Variants in CSMD1 observed in about 807,000 individuals in gnomAD.
CSMD1 encodes the protein CUB and sushi domain-containing protein 1.
A neutral mutation model predicts 417.5 loss-of-function variants in CSMD1; 213 were observed. The observed-to-expected ratio is 0.51, with a 90% confidence interval of 0.46 to 0.57. The LOEUF (loss-of-function observed/expected upper bound fraction) is 0.57, where lower values mean the gene tolerates loss of function less well. Among genes scored for constraint, CSMD1 ranks in the 20% least tolerant of loss-of-function variants. The pLI is 0.00. For missense variants in CSMD1, 6,923 were observed against 4,529.7 expected, an observed-to-expected ratio of 1.53 and a Z score of -15.17; for synonymous variants, 2,862 against 1,736.8, an observed-to-expected ratio of 1.65 and a Z score of -16.11.
In CSMD1 at chr8:3,051,565, C is replaced by T. The variant is rs79392552; in HGVS notation, c.7660+897G>A. On this transcript the variant is annotated intron_variant, in intron 50 of 69. Coordinates refer to ENST00000635120, the MANE Select transcript of CSMD1 (RefSeq NM_033225.6). ...TGTGACACGTAGTTCACCTATATAA[C>T]AAACTTGCACATGTATCCCTGAACC... Among the ~76,000 whole-genome samples the T allele has an allele frequency of 8.4e-3, 1,283 of 152,256 alleles. 12 individuals are homozygous for T. Among genetic ancestry groups the T allele is most frequent in the African/African-American group, 0.03 (1,234 of 41,546 alleles).
chr8:4,950,301 TA>T (rs1371880798), intron 1 of CSMD1, among the ~76,000 whole-genome samples: 1 of 152,148 alleles, frequency 6.6e-6, no homozygotes, highest in Admixed American at 6.6e-5. Flanking sequence ...GATTAGTAAG[TA>T]AATGATTTTC....
intron 1 of CSMD1, among the ~76,000 whole-genome samples, chr8:4,825,431 C>T (rs1203559444): frequency 6.6e-6 from 1 of 152,000 alleles, no homozygotes; most frequent in Non-Finnish European, 1.5e-5. Flanking sequence ...ACAGTGTAGA[C>T]CAGCAGTTTT....
intron 6 of CSMD1, among the ~76,000 whole-genome samples, chr8:3,744,993 G>C (rs144324927): frequency 5.9e-5 from 9 of 152,202 alleles, no homozygotes; most frequent in East Asian, 1.9e-4. Context: ...AGAGTAGCTG[G>C]GGCTGGGAGG....
intron 3 of CSMD1, among the ~76,000 whole-genome samples, chr8:4,228,669 T>A (rs1384966457): frequency 6.6e-6 from 1 of 151,886 alleles, no homozygotes; most frequent in African/African-American, 2.4e-5. Context: ...TATCGATTGT[T>A]TTATTTTATT....
chr8:4,746,484 C>A (rs35884987), intron 1 of CSMD1, among the ~76,000 whole-genome samples: 1 of 152,268 alleles, frequency 6.6e-6, no homozygotes, highest in East Asian at 1.9e-4. Context: ...ATGAGTGATT[C>A]GTGTCTTTAT....
chr8:3,579,199 G>A (rs575957946), intron 9 of CSMD1, among the ~76,000 whole-genome samples: 6 of 152,218 alleles, frequency 3.9e-5, no homozygotes, highest in South Asian at 4.2e-4. Context: ...AATATAAAAC[G>A]TCAGGAGGGA....
chr8:4,427,450 C>A (rs1439614392), intron 2 of CSMD1, among the ~76,000 whole-genome samples: 2 of 151,534 alleles, frequency 1.3e-5, no homozygotes, highest in African/African-American at 4.9e-5. Flanking sequence ...GGGGAAGATG[C>A]AATCAAGCAG....
chr8:3,040,369 A>T (rs1475155517), intron 50 of CSMD1, among the ~76,000 whole-genome samples: 1 of 138,972 alleles, frequency 7.2e-6, no homozygotes, highest in Admixed American at 7.7e-5. Flanking sequence ...CAAGGTGTAG[A>T]TAGCATATAC....
intron 3 of CSMD1, among the ~76,000 whole-genome samples, chr8:4,348,990 AC>A (rs1393574259): frequency 3.3e-5 from 5 of 152,196 alleles, no homozygotes; most frequent in Non-Finnish European, 1.5e-5. Context: ...AACAGGACAA[AC>A]TGAAAAATTG....
chr8:3,029,962 C>T (rs77794683), intron 50 of CSMD1, among the ~76,000 whole-genome samples: 2,586 of 152,100 alleles, frequency 0.017, 39 homozygotes, highest in East Asian at 0.038. Flanking sequence ...TTCTTCAAAC[C>T]TATGAAACAC....
At chr8:4,242,466 C>T (rs1273401085) in intron 3 of CSMD1, among the ~76,000 whole-genome samples, 1 of 152,132 alleles carries the variant, frequency 6.6e-6, no homozygotes, top group Non-Finnish European at 1.5e-5. Context: ...TTGTTGTGAG[C>T]ATAAATTAGC....
chr8:4,138,502 T>C, intron 3 of CSMD1, among the ~76,000 whole-genome samples: 1 of 152,098 alleles, frequency 6.6e-6, no homozygotes, highest in East Asian at 1.9e-4. Flanking sequence ...ACTAAAAATG[T>C]ACAAAATCTC....
intron 3 of CSMD1, among the ~76,000 whole-genome samples, chr8:4,371,671 T>G (rs917217142): frequency 3.3e-5 from 5 of 152,252 alleles, no homozygotes; most frequent in Non-Finnish European, 5.9e-5. Flanking sequence ...TTCTTATATC[T>G]TAAAGTTAGT....
chr8:3,826,779 T>A (rs780444126), intron 5 of CSMD1, among the ~76,000 whole-genome samples: 1 of 146,176 alleles, frequency 6.8e-6, no homozygotes, highest in Non-Finnish European at 1.5e-5. Context: ...CATATTTTTA[T>A]TTATTTTTAA....
chr8:3,810,195 A>C (rs973363847), intron 5 of CSMD1, among the ~76,000 whole-genome samples: 11 of 152,212 alleles, frequency 7.2e-5, no homozygotes, highest in African/African-American at 2.7e-4. Context: ...ATGTCCAATG[A>C]GTCAGGACAG....
intron 12 of CSMD1, among the ~76,000 whole-genome samples, chr8:3,440,471 T>C (rs1485990720): frequency 6.6e-6 from 1 of 152,206 alleles, no homozygotes; most frequent in East Asian, 1.9e-4. Context: ...AGAAATACAG[T>C]AGATTTTGTT....
chr8:3,556,550 A>ACC (rs1554468413), intron 10 of CSMD1, among the ~76,000 whole-genome samples: 7 of 53,318 alleles, frequency 1.3e-4, no homozygotes, highest in African/African-American at 5.0e-4. Context: ...ACACACACAC[A>ACC]CCCTCTCTCT....
intron 3 of CSMD1, among the ~76,000 whole-genome samples, chr8:4,040,390 C>G (rs1443446829): frequency 6.6e-6 from 1 of 152,160 alleles, no homozygotes; most frequent in Non-Finnish European, 1.5e-5. Context: ...CAAAAACATG[C>G]TGCAGGGAGA....
At chr8:4,097,052 A>T (rs1351722626) in intron 3 of CSMD1, among the ~76,000 whole-genome samples, 1 of 152,182 alleles carries the variant, frequency 6.6e-6, no homozygotes, top group Non-Finnish European at 1.5e-5. Context: ...CTGATGCCTC[A>T]TTCATAAATG....
Sources: allele counts gnomAD v4.1 joint callset (sites outside exome capture counted in the v4.1 genomes callset), GRCh38; gene constraint gnomAD v4.1.1; transcripts MANE v1.5; gene names NCBI Gene and HGNC (gene_info 2026-07-23, HGNC 2026-07-21).